The following VGLL4 variants were observed in gnomAD, a reference collection of about 807,000 sequenced individuals.
VGLL4 encodes the protein vestigial like family member 4.
VGLL4 carries 7 observed loss-of-function variants against 21.0 expected under a neutral mutation model. That is an observed-to-expected ratio of 0.33 (90% confidence interval 0.19 to 0.63). The LOEUF (loss-of-function observed/expected upper bound fraction) is 0.63. VGLL4 is among the 20% of genes least tolerant of loss of function. The pLI is 0.78. For synonymous variants in VGLL4, 222 were observed against 173.2 expected (o/e 1.28, Z -2.21); for missense variants, 394 against 425.7 (o/e 0.93, Z 0.66).
At chr3:11,692,749 G>T (rs867782538) in intron 2 of VGLL4, among the ~76,000 whole-genome samples, 7 of 150,196 alleles carry the variant, frequency 4.7e-5, no homozygotes, top group African/African-American at 1.2e-4. Flanking sequence ...TTGAGGGGGG[G>T]TGGGGGGATG....
intron 2 of VGLL4, among the ~76,000 whole-genome samples, chr3:11,700,311 C>G (rs534432209): frequency 6.6e-6 from 1 of 152,284 alleles, no homozygotes; most frequent in South Asian, 2.1e-4. Context: ...ATTGTATAAA[C>G]AGTATTTTGT....
chr3:11,582,448 G>T, intron 2 of VGLL4: 1 of 1,385,136 alleles, frequency 7.2e-7, no homozygotes, highest in Non-Finnish European at 9.8e-7. Flanking sequence ...CGAGGTAAGG[G>T]GCCTGCTTGC....
chr3:11,568,218 C>T lies in VGLL4; in HGVS notation c.273-3199G>A, dbSNP rs1259585015. Among the ~76,000 whole-genome samples the T allele has an allele frequency of 6.6e-6, 1 of 152,228 alleles. No individual in the cohort carries two copies. Among genetic ancestry groups the T allele is most frequent in the Non-Finnish European group, 1.5e-5 (1 of 68,046 alleles). Reference sequence around the variant, plus strand: ...CATGTCCAAAGCCAAAGTCGTGGTACATAAGGCACTGCCCACCCCTCGCAC... The same window carrying T: ...CATGTCCAAAGCCAAAGTCGTGGTATATAAGGCACTGCCCACCCCTCGCAC... On this transcript the variant is annotated intron_variant, in intron 2 of 4. Transcript: ENST00000430365. The surrounding 1 kb of genome is among the most constrained non-coding windows in gnomAD (Gnocchi z 5.9).
rs1322418962 is a variant in VGLL4, at chr3:11,557,232, T to C, written c.*1324A>G. On this transcript the variant is annotated 3_prime_UTR_variant, in exon 5 of 5. Coordinates refer to ENST00000430365, the MANE Select transcript of VGLL4 (RefSeq NM_001128219.3). ...CTAATTTCTAGTTAGTAGCTATTAA[T>C]ATAGCAAATAATAAATGCAGTAATA... 6.5e-6 allele frequency: 1 copy of C among 152,792 alleles called. No individual in the cohort carries two copies. Among genetic ancestry groups the C allele is most frequent in the African/African-American group, 2.4e-5 (1 of 41,458 alleles). 9.5% of individuals were successfully genotyped at this position (152,792 alleles called of 1,614,324 possible).
rs1476169409 is a variant in VGLL4, at chr3:11,605,097, G to A, written c.83-3075C>T. On this transcript the variant is annotated intron_variant, in intron 1 of 4. Transcript: ENST00000430365. Reference sequence around the variant, plus strand: ...CTCTGTGAATTCCATCTTCCAAAGCGCCCCCACGCCCACCCCCCACCCCCA... The same window carrying A: ...CTCTGTGAATTCCATCTTCCAAAGCACCCCCACGCCCACCCCCCACCCCCA... 1.3e-4 allele frequency among the ~76,000 whole-genome samples: 3 copies of A among 23,246 alleles called. 1 individual carries two copies. The highest frequency in any genetic ancestry group is 5.7e-4 in the African/African-American group (3 of 5,288). The allele number at this position is 23,246 out of a possible 152,430, so 15.3% of individuals were successfully genotyped here. A position where few individuals can be genotyped will look rare whatever the true frequency, so the allele number is the denominator to read the frequency against.
In VGLL4 at chr3:11,558,538, T is replaced by C. The variant is rs200385499; in HGVS notation, c.*18A>G. On this transcript the variant is annotated 3_prime_UTR_variant, in exon 5 of 5. Transcript: ENST00000430365. ...GCAAACCATGCAGATCCACGTGTTG[T>C]TGGAGGAGGCGCTCCCTTCAGGAGA... The C allele has an allele frequency of 1.1e-4, 169 of 1,586,366 alleles. No homozygotes were observed. Among genetic ancestry groups the C allele is most frequent in the Non-Finnish European group, 1.3e-4 (155 of 1,171,512 alleles).
intron 1 of VGLL4, among the ~76,000 whole-genome samples, chr3:11,615,780 C>T (rs2075150149): frequency 6.6e-6 from 1 of 152,122 alleles, no homozygotes. Flanking sequence ...AGCACAAGTC[C>T]AACTGGGGAC....
At chr3:11,562,928 G>A (rs2073156357) in intron 3 of VGLL4, among the ~76,000 whole-genome samples, 1 of 152,238 alleles carries the variant, frequency 6.6e-6, no homozygotes, top group African/African-American at 2.4e-5. Context: ...GGCACAAGGA[G>A]GGGCCCTTGC....
Position 11,596,581 on chromosome 3 carries a change from A to G in VGLL4, c.272+5252T>C, listed in dbSNP as rs137890328. On this transcript the variant is annotated intron_variant, in intron 2 of 4. Transcript: ENST00000430365. ...GGTTAGCCCTGGAGCATCGCCAGGA[A>G]CTCATTATCTCCTAGCTCTTTCCAT... Among the ~76,000 whole-genome samples, 306 of 152,214 alleles carry G rather than the reference A, an allele frequency of 2.0e-3. 1 individual carries two copies. Among genetic ancestry groups the G allele is most frequent in the African/African-American group, 6.5e-3 (271 of 41,520 alleles).
At chr3:11,668,000 C>CA (rs970063936) in intron 2 of VGLL4, among the ~76,000 whole-genome samples, 1 of 151,668 alleles carries the variant, frequency 6.6e-6, no homozygotes. Context: ...ATTACAGGCA[C>CA]ACACCACCAC....
At chr3:11,694,844 T>G (rs1188392328) in intron 2 of VGLL4, among the ~76,000 whole-genome samples, 2 of 152,170 alleles carry the variant, frequency 1.3e-5, no homozygotes, top group East Asian at 3.8e-4. Context: ...GCCACAGTTG[T>G]GGAACAGAGG....
intron 2 of VGLL4, among the ~76,000 whole-genome samples, chr3:11,591,485 C>A (rs994989257): frequency 1.3e-5 from 2 of 152,252 alleles, no homozygotes; most frequent in Non-Finnish European, 2.9e-5. Context: ...GGGGAACTGC[C>A]TTCCCAGCTC....
intron 2 of VGLL4, among the ~76,000 whole-genome samples, chr3:11,596,975 C>A (rs1575432426): frequency 6.6e-6 from 1 of 152,054 alleles, no homozygotes; most frequent in African/African-American, 2.4e-5. Flanking sequence ...ATGGCTGGAG[C>A]AGGTAGGCTA....
intron 1 of VGLL4, among the ~76,000 whole-genome samples, chr3:11,603,267 T>TA (rs2074850669): frequency 1.3e-5 from 2 of 152,234 alleles, no homozygotes; most frequent in Middle Eastern, 3.4e-3. Flanking sequence ...AACTAGCAAA[T>TA]ATACAGTGAC....
At chr3:11,673,141 G>A (rs1390976635) in intron 2 of VGLL4, among the ~76,000 whole-genome samples, 4 of 152,046 alleles carry the variant, frequency 2.6e-5, no homozygotes, top group African/African-American at 7.2e-5. Context: ...TTAATCACAA[G>A]CAGACAACCA....
intron 2 of VGLL4, among the ~76,000 whole-genome samples, chr3:11,702,137 T>G (rs1263110282): frequency 2.0e-5 from 3 of 152,130 alleles, no homozygotes; most frequent in Admixed American, 2.0e-4. Context: ...TAAATGACGT[T>G]CGATGATTTT....
At chr3:11,651,458 A>G (rs749284016) in intron 2 of VGLL4, among the ~76,000 whole-genome samples, 1 of 152,166 alleles carries the variant, frequency 6.6e-6, no homozygotes, top group Non-Finnish European at 1.5e-5. Context: ...ATTGTTTAGA[A>G]TGCAAATTCC....
rs59999510 is a variant in VGLL4 at position 11,665,101 on chromosome 3, C to CTTTTTTTTTTTTT, written c.64+37857_64+37869dup. Among the ~76,000 whole-genome samples the CTTTTTTTTTTTTT allele has an allele frequency of 7.7e-4, 75 of 96,950 alleles. 12 individuals carry two copies. Among genetic ancestry groups the CTTTTTTTTTTTTT allele is most frequent in the African/African-American group, 3.2e-3 (65 of 20,474 alleles). 63.6% of individuals were successfully genotyped at this position (96,950 alleles called of 152,430 possible). A position where few individuals can be genotyped will look rare whatever the true frequency, so the allele number is the denominator to read the frequency against. ...AAATGAAAGCAATTTGAATATTTTT[C>CTTTTTTTTTTTTT]TTTTTTTTTTTTTTTTTTTTTTTTT... On this transcript the variant is annotated intron_variant, in intron 2 of 5. Coordinates refer to the VGLL4 transcript ENST00000273038.
chr3:11,631,795 A>C (rs950444789), intron 1 of VGLL4, among the ~76,000 whole-genome samples: 2 of 152,224 alleles, frequency 1.3e-5, no homozygotes, highest in Non-Finnish European at 2.9e-5. Context: ...ATAAAAATAA[A>C]GGAAGAAAGA....
Sources: allele counts gnomAD v4.1 joint callset (sites outside exome capture counted in the v4.1 genomes callset), GRCh38; gene constraint gnomAD v4.1.1; non-coding constraint Gnocchi (gnomAD v3.1); transcripts MANE v1.5; gene names NCBI Gene and HGNC (gene_info 2026-07-23, HGNC 2026-07-21).